ESR2: variants seen among roughly 807,000 people sequenced by gnomAD.
ESR2 encodes estrogen receptor beta.
A neutral mutation model predicts 49.6 loss-of-function variants in ESR2; 36 were observed. The observed-to-expected ratio is 0.73, with a 90% confidence interval of 0.56 to 0.96. ESR2 has a LOEUF of 0.96. Among genes scored for constraint, ESR2 ranks in the 40% least tolerant of loss-of-function variants. The pLI, the probability that ESR2 is intolerant of heterozygous loss-of-function variation, is 0.00. For synonymous variants in ESR2, 320 were observed against 266.1 expected (o/e 1.20, Z -1.97); for missense variants, 714 against 693.0 (o/e 1.03, Z -0.34).
At chr14:64,251,179 G>A (rs1304900045) in intron 6 of ESR2, among the ~76,000 whole-genome samples, 1 of 151,952 alleles carries the variant, frequency 6.6e-6, no homozygotes, top group Non-Finnish European at 1.5e-5. Flanking sequence ...CACAAGCCCT[G>A]CACAGAGATA....
At chr14:64,237,755 A>G (rs903450118) in intron 7 of ESR2, among the ~76,000 whole-genome samples, 2 of 152,262 alleles carry the variant, frequency 1.3e-5, no homozygotes, top group African/African-American at 4.8e-5. Flanking sequence ...CATCAGGCTA[A>G]GCAAAATAAG....
intron 6 of ESR2, among the ~76,000 whole-genome samples, chr14:64,251,311 A>AC (rs35412659): frequency 0.067 from 10,094 of 150,918 alleles, 383 homozygotes; most frequent in Non-Finnish European, 0.08. Context: ...ATGGGGCAAA[A>AC]AAAAAAAAAA....
chr14:64,279,813 C>T (rs1230889494), intron 3 of ESR2, among the ~76,000 whole-genome samples, 168 bp downstream of exon 3: 1 of 152,142 alleles, frequency 6.6e-6, no homozygotes, highest in Non-Finnish European at 1.5e-5. Flanking sequence ...TCTGCAATTC[C>T]ACCCCACCAC....
chr14:64,282,125 T>C (rs1453143253), intron 2 of ESR2, among the ~76,000 whole-genome samples: 1 of 152,146 alleles, frequency 6.6e-6, no homozygotes, highest in African/African-American at 2.4e-5. Context: ...AGGTGGATCA[T>C]TTGAGGTCAG....
In ESR2 at chr14:64,282,386, TAA is replaced by T. The variant is rs560038010; in HGVS notation, c.362+236_362+237del. ...TGACTTAAGTTCAGTATTTACTGTA[TAA>T]AGACAATAGTCATGATAGCAAATTC... On this transcript the variant is annotated intron_variant, in intron 2 of 8. Transcript: ENST00000341099. Among the ~76,000 whole-genome samples the T allele has an allele frequency of 2.6e-5, 4 of 152,254 alleles. No individual in the cohort carries two copies. In the East Asian group the frequency reaches 7.7e-4, roughly 29 times the overall value.
At chr14:64,294,629 A>G (rs2076929545), upstream of ESR2, among the ~76,000 whole-genome samples, 1 of 152,034 alleles carries the variant, frequency 6.6e-6, no homozygotes, top group African/African-American at 2.4e-5. Context: ...TGCATTTCCA[A>G]CCAGGTCCTG....
intron 5 of ESR2, among the ~76,000 whole-genome samples, chr14:64,258,734 T>G (rs2076154199): frequency 6.6e-6 from 1 of 152,198 alleles, no homozygotes; most frequent in Non-Finnish European, 1.5e-5. Flanking sequence ...CTTTGCTCAG[T>G]TTAGGTTCCT....
At chr14:64,268,330 G>A (rs545423720) in intron 4 of ESR2, among the ~76,000 whole-genome samples, 12 of 152,230 alleles carry the variant, frequency 7.9e-5, no homozygotes, top group African/African-American at 2.6e-4. Context: ...AAAGCTAGAC[G>A]AGGGGATAGG....
chr14:64,234,216 CACTT>C (rs2098730152), intron 8 of ESR2: 1 of 152,282 alleles, frequency 6.6e-6, no homozygotes, highest in Non-Finnish European at 1.5e-5. Flanking sequence ...GTCTTCATCT[CACTT>C]AAGATTCTCG....
chr14:64,273,083 A>T (rs2076482028), intron 3 of ESR2, among the ~76,000 whole-genome samples: 1 of 151,802 alleles, frequency 6.6e-6, no homozygotes, highest in Non-Finnish European at 1.5e-5. Context: ...TATTTGGTTA[A>T]TTCCCAGGTA....
Position 64,265,521 on chromosome 14 carries a change from A to G in ESR2, c.652+3274T>C, listed in dbSNP as rs190107945. Among the ~76,000 whole-genome samples, 531 of 152,324 alleles carry G rather than the reference A, an allele frequency of 3.5e-3. 1 individual carries two copies. Among genetic ancestry groups the G allele is most frequent in the African/African-American group, 0.012 (500 of 41,578 alleles). On this transcript the variant is annotated intron_variant, in intron 4 of 8. Transcript: ENST00000341099. ...TCCAGAGCTGGTGCTTTTAACCACT[A>G]TTTTATACTACCCACCTATCAAATC...
chr14:64,310,926 C>CA (rs1419140033), intron 1 of ESR2, among the ~76,000 whole-genome samples: 3 of 152,114 alleles, frequency 2.0e-5, no homozygotes, highest in Non-Finnish European at 4.4e-5. Context: ...ATAGTATATT[C>CA]AAAATACTTA....
At chr14:64,243,786 C>T (rs571011526) in intron 7 of ESR2, among the ~76,000 whole-genome samples, 240 of 152,230 alleles carry the variant, frequency 1.6e-3, no homozygotes, top group African/African-American at 5.6e-3. Flanking sequence ...TTGTTTCGCC[C>T]GCTCCTTTCT....
chr14:64,321,170 A>G (rs1295754489), intron 1 of ESR2, among the ~76,000 whole-genome samples: 1 of 152,158 alleles, frequency 6.6e-6, no homozygotes, highest in Non-Finnish European at 1.5e-5. Flanking sequence ...TGCTAATTTT[A>G]AAAACTAGAT....
At chr14:64,266,100 G>A (rs2076322924) in intron 4 of ESR2, among the ~76,000 whole-genome samples, 1 of 152,090 alleles carries the variant, frequency 6.6e-6, no homozygotes. Context: ...AGACTTTCTG[G>A]CTAAATACAA....
intron 5 of ESR2, 144 bp from the exon 6 acceptor site, chr14:64,257,508 C>T: frequency 1.9e-6 from 2 of 1,031,304 alleles, no homozygotes; most frequent in Non-Finnish European, 2.8e-6. Flanking sequence ...ATTAACTGCT[C>T]ATTAAAGGAA....
intron 6 of ESR2, among the ~76,000 whole-genome samples, chr14:64,255,677 G>A (rs1394769590): frequency 6.6e-6 from 1 of 152,168 alleles, no homozygotes; most frequent in African/African-American, 2.4e-5. Context: ...CCCTCAAAGG[G>A]GGCAGGAAGA....
Position 64,282,823 on chromosome 14 carries a change from T to C in ESR2, c.163A>G (p.Asn55Asp). 6.2e-7 allele frequency: 1 copy of C among 1,613,956 alleles called. No individual in the cohort carries two copies. Among genetic ancestry groups the C allele is most frequent in the South Asian group, 1.1e-5 (1 of 91,078 alleles). ...GTGACATTGCTGGGAATGCTGTAATTCATCACAGCAGGGCTATAGAATGTC... is the reference window on the plus strand; with the variant it reads ...GTGACATTGCTGGGAATGCTGTAATCCATCACAGCAGGGCTATAGAATGTC... The part of the protein sequence containing the change: ...AMTFYSPAVM[N>D]YSIPSNVTNL... The change falls in exon 2 of 9, where the codon AAT becomes GAT. Residue 55 changes from asparagine to aspartate, a missense_variant. By Grantham distance (23) the Asn-to-Asp change is conservative. Coordinates refer to ENST00000341099, the MANE Select transcript of ESR2 (RefSeq NM_001437.3).
chr14:64,285,150 G>A (rs1011390568), intron 1 of ESR2, among the ~76,000 whole-genome samples: 1 of 152,022 alleles, frequency 6.6e-6, no homozygotes, highest in African/African-American at 2.4e-5. Flanking sequence ...TGCCCGGCCA[G>A]CTCTCATTAC....
Sources: allele counts gnomAD v4.1 joint callset (sites outside exome capture counted in the v4.1 genomes callset), GRCh38; gene constraint gnomAD v4.1.1; transcripts MANE v1.5; gene names NCBI Gene and HGNC (gene_info 2026-07-23, HGNC 2026-07-21).